Variants in PCCA observed in about 807,000 individuals in gnomAD.
The protein encoded by PCCA is propionyl-CoA carboxylase alpha chain, mitochondrial.
Under a neutral mutation model 101.3 loss-of-function variants are expected in PCCA, and 74 were observed. The ratio of observed to expected loss-of-function variants is 0.73; its 90% CI spans 0.61 to 0.89. The LOEUF (loss-of-function observed/expected upper bound fraction) is 0.89, where lower values mean the gene tolerates loss of function less well. PCCA is among the 40% of genes least tolerant of loss of function. The probability of loss-of-function intolerance (pLI) is 0.00; values close to 1 mark genes in which losing one functional copy is unlikely to be tolerated. For missense variants in PCCA, 891 were observed against 907.0 expected, an observed-to-expected ratio of 0.98 and a Z score of 0.23; for synonymous variants, 294 against 313.6, an observed-to-expected ratio of 0.94 and a Z score of 0.66.
At chr13:100,353,677 G>A (rs1473635093) in intron 18 of PCCA, among the ~76,000 whole-genome samples, 3 of 152,120 alleles carry the variant, frequency 2.0e-5, no homozygotes, top group Admixed American at 2.0e-4. Context: ...AAGAGGCCAG[G>A]CAAAGTGGCT....
intron 6 of PCCA, among the ~76,000 whole-genome samples, chr13:100,163,729 A>C (rs368047499): frequency 6.6e-6 from 1 of 152,226 alleles, no homozygotes; most frequent in African/African-American, 2.4e-5. Flanking sequence ...ATCCATTAAC[A>C]TTTAATAAAT....
intron 19 of PCCA, among the ~76,000 whole-genome samples, chr13:100,413,923 A>G (rs565538491): frequency 1.3e-5 from 2 of 152,340 alleles, no homozygotes; most frequent in African/African-American, 2.4e-5. Context: ...TTATCACACC[A>G]ATCCAAAAGA....
At chr13:100,240,612 G>T (rs1019160272) in intron 8 of PCCA, among the ~76,000 whole-genome samples, 4 of 151,762 alleles carry the variant, frequency 2.6e-5, no homozygotes, top group Non-Finnish European at 4.4e-5. Context: ...TTTTCTCCAA[G>T]TATTTTATTT....
At chr13:100,232,542 G>A (rs2060560070) in intron 7 of PCCA, among the ~76,000 whole-genome samples, 1 of 152,102 alleles carries the variant, frequency 6.6e-6, no homozygotes, top group African/African-American at 2.4e-5. Context: ...ACCACACCCA[G>A]TAATTTTTGT....
chr13:100,158,987 T>A (rs1309174980), intron 6 of PCCA, among the ~76,000 whole-genome samples: 1 of 139,792 alleles, frequency 7.2e-6, no homozygotes, highest in Non-Finnish European at 1.5e-5. Flanking sequence ...GTATTATACA[T>A]TTATTCCTAT....
At chr13:100,301,376 C>CA in intron 12 of PCCA, 84 bp from the exon 13 acceptor site, 3 of 1,487,710 alleles carry the variant, frequency 2.0e-6, no homozygotes, top group Admixed American at 1.7e-5. Flanking sequence ...TCATTTTACC[C>CA]AAAAACTTTT....
intron 21 of PCCA, among the ~76,000 whole-genome samples, chr13:100,504,831 G>C (rs1461351134): frequency 6.6e-6 from 1 of 152,152 alleles, no homozygotes; most frequent in African/African-American, 2.4e-5. Context: ...TACTCGGGAG[G>C]CTGAGGCAGG....
chr13:100,166,243 A>AT (rs149797086), intron 6 of PCCA, among the ~76,000 whole-genome samples: 10,062 of 151,236 alleles, frequency 0.067, 407 homozygotes, highest in South Asian at 0.1. Flanking sequence ...TGTTTTTTGG[A>AT]TTTTTTTTTC....
chr13:100,245,211 T>C (rs954142626), intron 8 of PCCA, among the ~76,000 whole-genome samples: 2 of 152,162 alleles, frequency 1.3e-5, no homozygotes, highest in Non-Finnish European at 2.9e-5. Context: ...AGTAATGCAT[T>C]GATAGTAGAG....
At chr13:100,220,402 T>C (rs1476717046) in intron 7 of PCCA, among the ~76,000 whole-genome samples, 1 of 151,286 alleles carries the variant, frequency 6.6e-6, no homozygotes, top group Non-Finnish European at 1.5e-5. Flanking sequence ...TGGGACCACA[T>C]GTCTGAGCCA....
intron 6 of PCCA, among the ~76,000 whole-genome samples, chr13:100,191,821 C>G (rs902742461): frequency 6.6e-6 from 1 of 152,192 alleles, no homozygotes; most frequent in African/African-American, 2.4e-5. Context: ...TGAGATTTTA[C>G]GCTTGCTGGT....
chr13:100,321,840 A>T lies in PCCA; in HGVS notation c.1430-8721A>T, dbSNP rs185002499. On this transcript the variant is annotated intron_variant, in intron 16 of 23. Coordinates refer to ENST00000376285, the MANE Select transcript of PCCA (RefSeq NM_000282.4). ...AAATTTAGATACATAGCATCTCTTG[A>T]GTCAGGAACAGAAATGCTCAGGATT... is the stretch of plus-strand genomic sequence containing the variant. Among the ~76,000 whole-genome samples the T allele has an allele frequency of 2.2e-3, 332 of 152,176 alleles. 4 individuals are homozygous for T. Among genetic ancestry groups the T allele is most frequent in the African/African-American group, 7.7e-3 (321 of 41,514 alleles).
intron 1 of PCCA, among the ~76,000 whole-genome samples, chr13:100,102,667 G>A (rs1315055350): frequency 6.6e-6 from 1 of 152,158 alleles, no homozygotes; most frequent in Non-Finnish European, 1.5e-5. Flanking sequence ...TTGCTTTTCT[G>A]GAGATCGTTT....
rs898910613 is a variant in PCCA at position 100,230,742 on chromosome 13, A to G, written c.601-5100A>G. Among the ~76,000 whole-genome samples the G allele has an allele frequency of 2.6e-5, 4 of 152,140 alleles. No homozygotes were observed. The South Asian group carries it at 6.2e-4, about 24-fold the overall frequency. On this transcript the variant is annotated intron_variant, in intron 7 of 23. Transcript: ENST00000376285. Reference sequence around the variant, plus strand: ...TCCAACAACTGTTGGTTGAATAACAACTGTGCCAGGCGTGTGCTCGGGATT... The same window carrying G: ...TCCAACAACTGTTGGTTGAATAACAGCTGTGCCAGGCGTGTGCTCGGGATT...
intron 16 of PCCA, among the ~76,000 whole-genome samples, chr13:100,329,600 T>C (rs1240220405): frequency 3.9e-5 from 6 of 152,208 alleles, no homozygotes; most frequent in Non-Finnish European, 8.8e-5. Flanking sequence ...CCTCATGAGC[T>C]GACTGAAAAT....
chr13:100,194,999 T>C (rs2152455133), intron 6 of PCCA, among the ~76,000 whole-genome samples: 1 of 152,278 alleles, frequency 6.6e-6, no homozygotes, highest in Admixed American at 6.5e-5. Flanking sequence ...AAAAATATTA[T>C]TTTGCAACCA....
rs1480722560 is a variant in PCCA at position 100,348,737 on chromosome 13, TTTCTTTC to T, written c.1643+8481_1643+8487del. The stretch of plus-strand genomic sequence containing the variant: ...CTTTCCGTTTTTTTTCCTTTCTTTC[TTTCTTTC>T]TTTCTTTCTTTCTTTCTTTCTTTCT... On this transcript the variant is annotated intron_variant, in intron 18 of 23. Transcript: ENST00000376285. Among the ~76,000 whole-genome samples, 136 of 60,158 alleles carry T rather than the reference TTTCTTTC, an allele frequency of 2.3e-3. 3 individuals are homozygous for T. The highest frequency in any genetic ancestry group is 9.2e-3 in the African/African-American group (131 of 14,276). The allele number at this position is 60,158 out of a possible 152,430, so 39.5% of individuals were successfully genotyped here.
intron 1 of PCCA, among the ~76,000 whole-genome samples, chr13:100,096,918 G>A (rs1405114209): frequency 2.0e-5 from 3 of 152,232 alleles, no homozygotes; most frequent in African/African-American, 2.4e-5. Flanking sequence ...GCCGGGCGCA[G>A]TGGTTCACAC....
At position 100,110,003 on chromosome 13, in the gene PCCA, G is replaced by A. The variant is rs201133132; in HGVS notation, c.184-1838G>A. ...AAAGAAATTAGCCGGGCTTGGTGGT[G>A]CGCACCTGTAATCCCAGCTATTAGG... On this transcript the variant is annotated intron_variant, in intron 2 of 23. Transcript: ENST00000376285. Among the ~76,000 whole-genome samples, 18 of 152,102 alleles carry A rather than the reference G, an allele frequency of 1.2e-4. No homozygotes were observed. In the East Asian group the frequency reaches 1.4e-3, roughly 11 times the overall value.
Sources: gnomAD v4.1 joint callset for allele counts (sites outside exome capture counted in the v4.1 genomes callset) on GRCh38, gnomAD v4.1.1 for gene constraint, MANE v1.5 for transcripts, NCBI Gene and HGNC (gene_info 2026-07-23, HGNC 2026-07-21) for gene names.